The following MANEA variants were observed in gnomAD, a reference collection of about 807,000 sequenced individuals.
MANEA encodes glycoprotein endo-alpha-1,2-mannosidase.
A neutral mutation model predicts 36.8 loss-of-function variants in MANEA; 25 were observed. That is an observed-to-expected ratio of 0.68 (90% CI 0.50 to 0.95). MANEA has a LOEUF of 0.95. MANEA is among the 40% of genes least tolerant of loss of function. The pLI is 0.00. For synonymous variants in MANEA, 198 were observed against 188.5 expected (o/e 1.05, Z -0.41); for missense variants, 565 against 558.8 (o/e 1.01, Z -0.11).
chr6:95,593,623 A>G (rs1434413136), intron 2 of MANEA, among the ~76,000 whole-genome samples: 2 of 152,208 alleles, frequency 1.3e-5, no homozygotes, highest in Non-Finnish European at 2.9e-5. Context: ...AGTGTGCAAG[A>G]AAACTTAATT....
intron 3 of MANEA, 74 bp from the exon 4 acceptor site, chr6:95,604,753 A>C: frequency 1.7e-6 from 1 of 594,038 alleles, no homozygotes; most frequent in Non-Finnish European, 2.8e-6. Context: ...TTACTTTATT[A>C]AATATATTAA....
chr6:95,581,992 A>T (rs916459662), intron 1 of MANEA, among the ~76,000 whole-genome samples: 2 of 152,004 alleles, frequency 1.3e-5, no homozygotes, highest in Non-Finnish European at 2.9e-5. Flanking sequence ...TGTATCTTTA[A>T]TACAGATATG....
chr6:95,603,034 A>ACCCTCTC (rs1769627866), intron 3 of MANEA, among the ~76,000 whole-genome samples: 1 of 150,520 alleles, frequency 6.6e-6, no homozygotes, highest in African/African-American at 2.4e-5. Context: ...CTCAAAAAAA[A>ACCCTCTC]AAAAAAAAAA....
At chr6:95,594,611 CTT>C (rs1310909476) in intron 2 of MANEA, among the ~76,000 whole-genome samples, 7 of 152,076 alleles carry the variant, frequency 4.6e-5, no homozygotes, top group African/African-American at 1.7e-4. Flanking sequence ...TCTTAATTAT[CTT>C]TGATTGTATA....
At chr6:95,604,173 G>C (rs1311138160) in intron 3 of MANEA, among the ~76,000 whole-genome samples, 1 of 148,904 alleles carries the variant, frequency 6.7e-6, no homozygotes, top group Non-Finnish European at 1.5e-5. Flanking sequence ...ATTTTTAAGC[G>C]ATTTCATTAT....
In MANEA at chr6:95,601,716, A is replaced by ATTTTTTTTT. The variant is rs67335804; in HGVS notation, c.655-3091_655-3083dup. Reference sequence around the variant, plus strand: ...AAAAGAAAATTAGGCAGATTCAGTGATTTTTTTTTTTTTTTTTTTTTTTTT... The same window carrying ATTTTTTTTT: ...AAAAGAAAATTAGGCAGATTCAGTGATTTTTTTTTTTTTTTTTTTTTTTTTTTTTTTTTT... On this transcript the variant is annotated intron_variant, in intron 3 of 4. Transcript: ENST00000358812. Among the ~76,000 whole-genome samples the ATTTTTTTTT allele has an allele frequency of 2.9e-4, 19 of 64,992 alleles. 1 individual carries two copies. The highest frequency in any genetic ancestry group is 4.4e-4 in the Admixed American group (2 of 4,534). 42.6% of individuals were successfully genotyped at this position (64,992 alleles called of 152,430 possible).
At position 95,588,856 on chromosome 6, in the gene MANEA, AT is replaced by A. The variant is rs551667405; in HGVS notation, c.544+1878del. Reference sequence around the variant, plus strand: ...TAAATAGAAATATATGTGTTACACTATTTTTGGTATAGTTTGTGATCAGGAA... The same window carrying A: ...TAAATAGAAATATATGTGTTACACTATTTTGGTATAGTTTGTGATCAGGAA... On this transcript the variant is annotated intron_variant, in intron 2 of 4. Coordinates refer to ENST00000358812, the MANE Select transcript of MANEA (RefSeq NM_024641.4). 1.4e-3 allele frequency among the ~76,000 whole-genome samples: 209 copies of A among 151,586 alleles called. 1 individual carries two copies. Among genetic ancestry groups the A allele is most frequent in the South Asian group, 6.4e-3 (31 of 4,828 alleles).
chr6:95,583,688 C>T (rs1376975343), intron 1 of MANEA, among the ~76,000 whole-genome samples: 1 of 152,064 alleles, frequency 6.6e-6, no homozygotes, highest in African/African-American at 2.4e-5. Flanking sequence ...GGGAGAAGGG[C>T]AGGACTGGTG....
intron 2 of MANEA, among the ~76,000 whole-genome samples, chr6:95,593,573 GTC>G (rs1769425600): frequency 6.6e-6 from 1 of 152,178 alleles, no homozygotes; most frequent in East Asian, 1.9e-4. Context: ...TAGATACATA[GTC>G]ATATGTGGCT....
At chr6:95,587,093 T>G in intron 2 of MANEA, 110 bp downstream of exon 2, 2 of 697,766 alleles carry the variant, frequency 2.9e-6, no homozygotes, top group East Asian at 5.5e-5. Context: ...ATTATATTGT[T>G]AAGCTCATAC....
At chr6:95,605,412 G>T (rs1769684844) in intron 4 of MANEA, among the ~76,000 whole-genome samples, 1 of 152,082 alleles carries the variant, frequency 6.6e-6, no homozygotes, top group African/African-American at 2.4e-5. Flanking sequence ...AGCAACAGTA[G>T]AACATTTATC....
chr6:95,584,412 C>T lies in MANEA; in HGVS notation c.-38-1990C>T, dbSNP rs558689736. ...TCCTCGGGGGAGGTCTATAAGCGGC[C>T]GCTCTGGGAGTGTCTGTCCTATGCG... is the stretch of plus-strand genomic sequence containing the variant. On this transcript the variant is annotated intron_variant, in intron 1 of 4. Transcript: ENST00000358812. Among the ~76,000 whole-genome samples the T allele has an allele frequency of 5.9e-5, 9 of 152,218 alleles. No homozygotes were observed. The South Asian group carries it at 1.5e-3, about 25-fold the overall frequency.
At chr6:95,597,494 T>G (rs1769503441) in intron 3 of MANEA, among the ~76,000 whole-genome samples, 1 of 152,066 alleles carries the variant, frequency 6.6e-6, no homozygotes, top group South Asian at 2.1e-4. Context: ...GCACTGTTTT[T>G]AATATCCAAA....
intron 2 of MANEA, among the ~76,000 whole-genome samples, chr6:95,593,396 C>T (rs936226394): frequency 2.0e-5 from 3 of 152,076 alleles, no homozygotes; most frequent in African/African-American, 7.2e-5. Context: ...GAACATTCCT[C>T]CAAAGCCATA....
At chr6:95,595,663 A>G (rs1312274302) in intron 2 of MANEA, among the ~76,000 whole-genome samples, 1 of 152,142 alleles carries the variant, frequency 6.6e-6, no homozygotes, top group Admixed American at 6.6e-5. Context: ...TTATTTATCT[A>G]GAAATTTGTG....
At chr6:95,593,257 G>T (rs1408867676) in intron 2 of MANEA, among the ~76,000 whole-genome samples, 1 of 152,180 alleles carries the variant, frequency 6.6e-6, no homozygotes, top group Non-Finnish European at 1.5e-5. Context: ...CAGTGCCACA[G>T]TCCAGAAGAC....
chr6:95,593,160 C>T (rs1246115586), intron 2 of MANEA, among the ~76,000 whole-genome samples: 1 of 152,152 alleles, frequency 6.6e-6, no homozygotes, highest in Non-Finnish European at 1.5e-5. Flanking sequence ...TCTCTGGTTA[C>T]TATCAAGGAT....
At chr6:95,582,344 T>C (rs1424095889) in intron 1 of MANEA, among the ~76,000 whole-genome samples, 1 of 151,922 alleles carries the variant, frequency 6.6e-6, no homozygotes, top group African/African-American at 2.4e-5. Flanking sequence ...CCACCATGCC[T>C]GGCTAATTTT....
At position 95,606,615 on chromosome 6, in the gene MANEA, T is replaced by C; in HGVS notation, c.*210T>C. Reference sequence around the variant, plus strand: ...ATCTGAGACAAAATGTATACAAATATATTCCTTATGGCATAATTTATTGCA... The same window carrying C: ...ATCTGAGACAAAATGTATACAAATACATTCCTTATGGCATAATTTATTGCA... On this transcript the variant is annotated 3_prime_UTR_variant, in exon 5 of 5. Transcript: ENST00000358812. The C allele has an allele frequency of 3.5e-6, 1 of 282,798 alleles. No homozygotes were observed. Among genetic ancestry groups the C allele is most frequent in the Non-Finnish European group, 6.4e-6 (1 of 155,406 alleles). The allele number at this position is 282,798 out of a possible 1,614,324, so 17.5% of individuals were successfully genotyped here.
Sources: gnomAD v4.1 joint callset for allele counts (sites outside exome capture counted in the v4.1 genomes callset) on GRCh38, gnomAD v4.1.1 for gene constraint, MANE v1.5 for transcripts, NCBI Gene and HGNC (gene_info 2026-07-23, HGNC 2026-07-21) for gene names.